The following SCARB1 variants were observed in gnomAD, a reference collection of about 807,000 sequenced individuals.
SCARB1 encodes the protein CD36 and LIMPII analogous 1.
SCARB1 carries 30 observed loss-of-function variants against 57.2 expected under a neutral mutation model. The observed-to-expected ratio is 0.52, with a 90% CI of 0.39 to 0.71. SCARB1 has a LOEUF of 0.71. Ranked by LOEUF, SCARB1 falls within the 30% of genes least tolerant of loss-of-function variation. The pLI, the probability that SCARB1 is intolerant of heterozygous loss-of-function variation, is 0.00. For missense variants in SCARB1, 543 were observed against 671.2 expected (o/e 0.81, Z 2.11); for synonymous variants, 249 against 268.3 (o/e 0.93, Z 0.70).
Position 124,843,149 on chromosome 12 carries a change from T to C in SCARB1, c.126+20446A>G, listed in dbSNP as rs1594367723. 2.0e-5 allele frequency among the ~76,000 whole-genome samples: 3 copies of C among 152,272 alleles called. No homozygotes were observed. In the East Asian group the frequency reaches 5.8e-4, roughly 29 times the overall value. ...TTTAATTTGTTTGATCATATCCCTA[T>C]TTTACCTTCCTTATTTTTAATGCCA... is the stretch of plus-strand genomic sequence containing the variant. On this transcript the variant is annotated intron_variant, in intron 1 of 12. Coordinates refer to ENST00000261693, the MANE Select transcript of SCARB1 (RefSeq NM_005505.5).
In SCARB1 at chr12:124,833,086, T is replaced by C. The variant is rs372204969; in HGVS notation, c.127-15379A>G. On this transcript the variant is annotated intron_variant, in intron 1 of 12. Coordinates refer to ENST00000261693, the MANE Select transcript of SCARB1 (RefSeq NM_005505.5). ...ATCACTCCAACCCCTGCTTCTGAGG[T>C]CACATCTCCTACTCTGACCCTCCTG... is the stretch of plus-strand genomic sequence containing the variant. Among the ~76,000 whole-genome samples, 8 of 152,108 alleles carry C rather than the reference T, an allele frequency of 5.3e-5. No homozygotes were observed. The South Asian group carries it at 1.2e-3, about 24-fold the overall frequency.
chr12:124,806,664 G>A (rs1034688660), intron 7 of SCARB1, among the ~76,000 whole-genome samples: 1 of 152,204 alleles, frequency 6.6e-6, no homozygotes, highest in African/African-American at 2.4e-5. Flanking sequence ...ACACGCAGAG[G>A]CAGGTGGATC....
Position 124,810,417 on chromosome 12 carries a change from G to T in SCARB1, c.727-128C>A, listed in dbSNP as rs1950480992. On this transcript the variant is annotated intron_variant, in intron 5 of 12. Coordinates refer to ENST00000261693, the MANE Select transcript of SCARB1 (RefSeq NM_005505.5). This position sits in a 1 kb window ranked among gnomAD's most constrained non-coding sequence, Gnocchi z 4.0. ...ACTCAATTCCCAATACTGGCACGGT[G>T]GGAAGAGGGCAGGCTATGTAGACAC... The T allele has an allele frequency of 4.2e-6, 3 of 707,368 alleles. No homozygotes were observed. The highest frequency in any genetic ancestry group is 4.1e-5 in the Admixed American group (2 of 49,274). The allele number at this position is 707,368 out of a possible 1,614,324, so 43.8% of individuals were successfully genotyped here.
chr12:124,847,429 C>T (rs79094379), intron 1 of SCARB1, among the ~76,000 whole-genome samples: 2,716 of 152,338 alleles, frequency 0.018, 71 homozygotes, highest in African/African-American at 0.061. Context: ...GAGGCCTGGG[C>T]ATCTGGGCTA....
intron 1 of SCARB1, among the ~76,000 whole-genome samples, chr12:124,832,607 C>G (rs1278620831): frequency 6.6e-6 from 1 of 152,070 alleles, no homozygotes; most frequent in Admixed American, 6.6e-5. Context: ...AAATCAGTGC[C>G]TCACCGAATC....
chr12:124,786,622 G>T (rs1290877070), intron 10 of SCARB1, 119 bp from the exon 11 acceptor site: 8 of 1,536,126 alleles, frequency 5.2e-6, no homozygotes, highest in Non-Finnish European at 7.0e-6. Context: ...CAAGCTTCCC[G>T]GCTAAAGCAT....
chr12:124,804,290 C>T (rs1192932186), intron 7 of SCARB1, among the ~76,000 whole-genome samples: 2 of 152,146 alleles, frequency 1.3e-5, no homozygotes, highest in Non-Finnish European at 1.5e-5. Flanking sequence ...CGGAGCTGGG[C>T]GGAGGTGAGC....
At chr12:124,801,408 G>A (rs1040666611) in intron 7 of SCARB1, among the ~76,000 whole-genome samples, 4 of 152,230 alleles carry the variant, frequency 2.6e-5, no homozygotes, top group Admixed American at 2.6e-4. Context: ...AAATGCCACT[G>A]AATCATTCAC....
rs924552045 is a variant in SCARB1, at chr12:124,789,081, A to C, written c.1203-1624T>G. Among the ~76,000 whole-genome samples, 2 of 152,210 alleles carry C rather than the reference A, an allele frequency of 1.3e-5. No homozygotes were observed. The highest frequency in any genetic ancestry group is 2.9e-5 in the Non-Finnish European group (2 of 68,052). On this transcript the variant is annotated intron_variant, in intron 9 of 12. Transcript: ENST00000261693. This position sits in a 1 kb window ranked among gnomAD's most constrained non-coding sequence, Gnocchi z 4.4. ...GTTAAAACTTACACGTCAAGTTAAAAAGATAATAAAATCCAAAGGGAGAAT... is the reference window on the plus strand; with the variant it reads ...GTTAAAACTTACACGTCAAGTTAAACAGATAATAAAATCCAAAGGGAGAAT...
intron 2 of SCARB1, among the ~76,000 whole-genome samples, chr12:124,815,495 T>C (rs77479093): frequency 0.058 from 8,853 of 152,280 alleles, 913 homozygotes; most frequent in African/African-American, 0.2. Context: ...CATCAGCTGC[T>C]GTGACTGTTG....
Position 124,800,324 on chromosome 12 carries a change from G to A in SCARB1, c.1010-82C>T. 1 of 1,027,374 alleles carries A rather than the reference G, an allele frequency of 9.7e-7. No individual in the cohort carries two copies. The highest frequency in any genetic ancestry group is 2.2e-4 in the Middle Eastern group (1 of 4,536). The allele number at this position is 1,027,374 out of a possible 1,614,324, so 63.6% of individuals were successfully genotyped here. ...CCAGGCCGGAGGTCTGCACAGAGCT[G>A]TGGTCTGCAGGGCACCCCCGTGGCG... On this transcript the variant is annotated intron_variant, in intron 7 of 12. Transcript: ENST00000261693. This position sits in a 1 kb window ranked among gnomAD's most constrained non-coding sequence, Gnocchi z 4.8.
At chr12:124,843,842 C>T (rs1453973054) in intron 1 of SCARB1, among the ~76,000 whole-genome samples, 1 of 152,148 alleles carries the variant, frequency 6.6e-6, no homozygotes, top group Non-Finnish European at 1.5e-5. Flanking sequence ...AGGAAGAAGA[C>T]TCAAATTCAC....
At chr12:124,838,527 A>G (rs1234324463) in intron 1 of SCARB1, among the ~76,000 whole-genome samples, 1 of 152,128 alleles carries the variant, frequency 6.6e-6, no homozygotes. Flanking sequence ...AAATAGGGCA[A>G]CGGTGGTTTG....
intron 4 of SCARB1, among the ~76,000 whole-genome samples, chr12:124,813,489 G>A (rs370509459): frequency 1.1e-4 from 16 of 152,192 alleles, no homozygotes; most frequent in East Asian, 3.8e-4. Context: ...CTTTTCTTGT[G>A]AGGTTTTCAT....
At chr12:124,830,835 CAG>C (rs1951354691) in intron 1 of SCARB1, among the ~76,000 whole-genome samples, 1 of 151,998 alleles carries the variant, frequency 6.6e-6, no homozygotes, top group Non-Finnish European at 1.5e-5. Flanking sequence ...TTTTTTCAGA[CAG>C]AGTCTCACTC....
chr12:124,859,609 T>C (rs1357516354), intron 1 of SCARB1, among the ~76,000 whole-genome samples: 2 of 152,220 alleles, frequency 1.3e-5, no homozygotes, highest in Admixed American at 6.5e-5. Context: ...CTGCCTTCTC[T>C]CATTAGAGTA....
intron 12 of SCARB1, among the ~76,000 whole-genome samples, chr12:124,779,391 T>C (rs1010784969): frequency 6.6e-6 from 1 of 152,198 alleles, no homozygotes; most frequent in African/African-American, 2.4e-5. Context: ...CTCATGCTCA[T>C]GGCTGCGCAC....
At chr12:124,839,274 T>A (rs1594356407) in intron 1 of SCARB1, 1 of 455,786 alleles carries the variant, frequency 2.2e-6, no homozygotes, top group East Asian at 6.9e-5. Flanking sequence ...TGGATCTGGC[T>A]ACTCTAGGGA....
At chr12:124,786,213 G>GCTCCCA (rs1566133948) in intron 11 of SCARB1, 144 bp downstream of exon 11, 2 of 1,597,396 alleles carry the variant, frequency 1.3e-6, no homozygotes, top group South Asian at 2.2e-5. Flanking sequence ...AGCAGTGACC[G>GCTCCCA]CTCCCACTCC....
Sources: gnomAD v4.1 joint callset for allele counts (sites outside exome capture counted in the v4.1 genomes callset) on GRCh38, gnomAD v4.1.1 for gene constraint, Gnocchi (gnomAD v3.1) non-coding constraint, MANE v1.5 for transcripts, NCBI Gene and HGNC (gene_info 2026-07-23, HGNC 2026-07-21) for gene names.